Variants in DEFB112 observed in about 807,000 individuals in gnomAD.
DEFB112 encodes the protein beta-defensin 112.
Under a neutral mutation model 1.1 loss-of-function variants are expected in DEFB112, and 2 were observed. The ratio of observed to expected loss-of-function variants is 1.85; its 90% CI spans 0.76 to 5.83. The LOEUF (loss-of-function observed/expected upper bound fraction) is 5.83, where lower values mean the gene tolerates loss of function less well. Among genes scored for constraint, DEFB112 ranks in the 30% most tolerant of loss-of-function variants. DEFB112 has a pLI of 0.05. For synonymous variants in DEFB112, 40 were observed against 31.2 expected, an observed-to-expected ratio of 1.28 and a Z score of -0.93; for missense variants, 120 against 94.4, an observed-to-expected ratio of 1.27 and a Z score of -1.12.
chr6:50,049,752 C>G (rs1178395717), intron 1 of DEFB112, among the ~76,000 whole-genome samples, 60 bp downstream of exon 1: 2 of 151,924 alleles, frequency 1.3e-5, no homozygotes, highest in Non-Finnish European at 2.9e-5. Flanking sequence ...CTTTAAATAA[C>G]CCAGCTCCCC....
At chr6:50,046,155 A>G (rs1382688290) in intron 1 of DEFB112, among the ~76,000 whole-genome samples, 1 of 151,344 alleles carries the variant, frequency 6.6e-6, no homozygotes, top group African/African-American at 2.4e-5. Flanking sequence ...ATCCACTTTC[A>G]ATTGATGATA....
chr6:50,047,414 C>T (rs552765559), intron 1 of DEFB112, among the ~76,000 whole-genome samples: 1 of 152,312 alleles, frequency 6.6e-6, no homozygotes, highest in African/African-American at 2.4e-5. Context: ...TATCTGTCTC[C>T]AGGCTGTGCT....
At chr6:50,046,116 T>G (rs1273110034) in intron 1 of DEFB112, among the ~76,000 whole-genome samples, 1 of 152,070 alleles carries the variant, frequency 6.6e-6, no homozygotes, top group Non-Finnish European at 1.5e-5. Context: ...TAAGCTAAGC[T>G]ATGATGTTCT....
intron 1 of DEFB112, chr6:50,048,544 G>T: frequency 6.2e-7 from 1 of 1,612,666 alleles, no homozygotes; most frequent in Non-Finnish European, 8.5e-7. Context: ...TACCTGTGCT[G>T]ATTTTCTCTG....
At chr6:50,045,153 C>T (rs1471505809) in intron 1 of DEFB112, among the ~76,000 whole-genome samples, 1 of 151,890 alleles carries the variant, frequency 6.6e-6, no homozygotes, top group African/African-American at 2.4e-5. Flanking sequence ...ATATTTCAAG[C>T]CCATATTTAC....
intron 1 of DEFB112, among the ~76,000 whole-genome samples, chr6:50,047,159 C>G (rs1005907328): frequency 2.0e-5 from 3 of 152,180 alleles, no homozygotes; most frequent in Non-Finnish European, 4.4e-5. Flanking sequence ...TGAACTAGCA[C>G]TAGGGCTACT....
At chr6:50,048,563 C>T (rs777654118) in intron 1 of DEFB112, 13 of 1,613,370 alleles carry the variant, frequency 8.1e-6, no homozygotes, top group South Asian at 5.5e-5. Flanking sequence ...TGTCCCATGT[C>T]GGGCCTTTTC....
chr6:50,048,631 T>C (rs760438909), intron 1 of DEFB112: 1 of 1,612,764 alleles, frequency 6.2e-7, no homozygotes, highest in Non-Finnish European at 8.5e-7. Context: ...TCAGTCTACA[T>C]ATGGTTGTCA....
chr6:50,047,355 CA>C (rs1774851690), intron 1 of DEFB112, among the ~76,000 whole-genome samples: 1 of 152,154 alleles, frequency 6.6e-6, no homozygotes, highest in Admixed American at 6.5e-5. Context: ...GTGTTGGGTC[CA>C]AGGCTAATTT....
rs1774778005 is a variant in DEFB112 at position 50,043,439 on chromosome 6, T to A, written c.*136A>T. The A allele has an allele frequency of 8.2e-6, 5 of 610,730 alleles. No individual in the cohort carries two copies. Among genetic ancestry groups the A allele is most frequent in the Non-Finnish European group, 1.4e-5 (5 of 360,036 alleles). 37.8% of individuals were successfully genotyped at this position (610,730 alleles called of 1,614,324 possible). The stretch of plus-strand genomic sequence containing the variant: ...AGCAAGCACAATGTTTATAAAAATG[T>A]CCAGCTGAAATATATTTTATTTAAT... On this transcript the variant is annotated 3_prime_UTR_variant, in exon 2 of 2. Transcript: ENST00000651554.
At chr6:50,045,060 G>A (rs1340160868) in intron 1 of DEFB112, among the ~76,000 whole-genome samples, 1 of 151,906 alleles carries the variant, frequency 6.6e-6, no homozygotes, top group Non-Finnish European at 1.5e-5. Context: ...TCATCTAGGA[G>A]ACAGCACTTT....
At chr6:50,046,021 A>G (rs553233447) in intron 1 of DEFB112, among the ~76,000 whole-genome samples, 20 of 152,232 alleles carry the variant, frequency 1.3e-4, no homozygotes, top group Non-Finnish European at 2.2e-4. Context: ...TATATTCAAT[A>G]ATTTATTATA....
At position 50,043,715 on chromosome 6, in the gene DEFB112, T is replaced by C. The variant is rs1288625598; in HGVS notation, c.145A>G (p.Ser49Gly). The C allele has an allele frequency of 2.5e-6, 4 of 1,613,538 alleles. No individual in the cohort carries two copies. The highest frequency in any genetic ancestry group is 2.5e-6 in the Non-Finnish European group (3 of 1,179,574). Residue 49 changes from serine (S) to glycine (G), a missense_variant, in exon 2 of 2, where the codon AGT becomes GGT. Transcript: ENST00000651554. Reference sequence around the variant, plus strand: ...GCACAGTATGAAATCCTAAATTCACTATCATCACATTGATTTTTACATCGA... The same window carrying C: ...GCACAGTATGAAATCCTAAATTCACCATCATCACATTGATTTTTACATCGA... ...GGRCKNQCDD[S>G]EFRISYCARP...
At chr6:50,046,397 T>TA (rs1774834834) in intron 1 of DEFB112, among the ~76,000 whole-genome samples, 1 of 152,166 alleles carries the variant, frequency 6.6e-6, no homozygotes, top group African/African-American at 2.4e-5. Flanking sequence ...TAATAAACTT[T>TA]ATATGATCAT....
chr6:50,047,124 G>A (rs1220943256), intron 1 of DEFB112, among the ~76,000 whole-genome samples: 1 of 152,194 alleles, frequency 6.6e-6, no homozygotes, highest in Admixed American at 6.5e-5. Flanking sequence ...TGTGATTATT[G>A]GGCCTAGCCT....
At chr6:50,049,180 T>C (rs1774888289) in intron 1 of DEFB112, among the ~76,000 whole-genome samples, 1 of 152,142 alleles carries the variant, frequency 6.6e-6, no homozygotes, top group African/African-American at 2.4e-5. Context: ...TGTTTAAATG[T>C]TAGGGCAGAA....
chr6:50,043,642 G>C lies in DEFB112; in HGVS notation c.218C>G (p.Pro73Arg). 6.2e-7 allele frequency: 1 copy of C among 1,613,414 alleles called. No individual in the cohort carries two copies. Among genetic ancestry groups the C allele is most frequent in the Non-Finnish European group, 8.5e-7 (1 of 1,179,582 alleles). ...CCVTECDPTD[P>R]NNWIPKDSVG... ...TGAGTCCTTTGGGATCCAATTATTT[G>C]GGTCCGTAGGGTCACATTCTGTCAC... The change falls in exon 2 of 2, where the codon CCA becomes CGA. Residue 73 changes from proline to arginine, a missense_variant. Transcript: ENST00000651554.
At chr6:50,045,516 T>C (rs939861179) in intron 1 of DEFB112, among the ~76,000 whole-genome samples, 1 of 152,152 alleles carries the variant, frequency 6.6e-6, no homozygotes, top group Non-Finnish European at 1.5e-5. Flanking sequence ...ACACATAAAA[T>C]ATGTATAAAT....
rs1228550874 is a variant in DEFB112, at chr6:50,042,400, T to C, written c.*1175A>G. 6.6e-6 allele frequency among the ~76,000 whole-genome samples: 1 copy of C among 152,044 alleles called. No homozygotes were observed. The highest frequency in any genetic ancestry group is 1.5e-5 in the Non-Finnish European group (1 of 67,946). ...TTAACCCAAAGCTGAAATGTGTATA[T>C]GTCACAGCAGCATAAGAAACCTACC... is the stretch of plus-strand genomic sequence containing the variant. On this transcript the variant is annotated 3_prime_UTR_variant, in exon 2 of 2. Transcript: ENST00000651554.
Sources: gnomAD v4.1 joint callset for allele counts (sites outside exome capture counted in the v4.1 genomes callset) on GRCh38, gnomAD v4.1.1 for gene constraint, MANE v1.5 for transcripts, NCBI Gene and HGNC (gene_info 2026-07-23, HGNC 2026-07-21) for gene names.